Variants in MAN1C1 observed in about 807,000 individuals in gnomAD.
MAN1C1 encodes mannosyl-oligosaccharide 1,2-alpha-mannosidase IC.
In MAN1C1, 49 loss-of-function variants were observed where a neutral mutation model predicts 71.5. That is an observed-to-expected ratio of 0.69 (90% CI 0.54 to 0.87). MAN1C1 has a LOEUF of 0.87. Among genes scored for constraint, MAN1C1 ranks in the 40% least tolerant of loss-of-function variants. The pLI is 0.00. For synonymous variants in MAN1C1, 352 were observed against 343.7 expected (o/e 1.02, Z -0.27); for missense variants, 743 against 835.0 (o/e 0.89, Z 1.36).
At chr1:25,774,835 AC>A (rs762764862) in intron 8 of MAN1C1, among the ~76,000 whole-genome samples, 1 of 141,108 alleles carries the variant, frequency 7.1e-6, no homozygotes, top group Non-Finnish European at 1.6e-5. Flanking sequence ...AAAAAAAAAA[AC>A]CCTGGTCTTG....
In MAN1C1 at chr1:25,753,431, A is replaced by T. The variant is rs1238361066; in HGVS notation, c.835-53A>T. The T allele has an allele frequency of 1.0e-5, 15 of 1,431,422 alleles. No homozygotes were observed. In the African/African-American group the frequency reaches 2.1e-4, roughly 20 times the overall value. 88.7% of individuals were successfully genotyped at this position (1,431,422 alleles called of 1,614,324 possible). ...CCTGCCTGCAGCAGTTCTGGGGTTG[A>T]CCTTCCCTCACCCAGCCTGGAGTCA... On this transcript the variant is annotated intron_variant, in intron 4 of 11. Coordinates refer to ENST00000374332, the MANE Select transcript of MAN1C1 (RefSeq NM_020379.4). The surrounding 1 kb of genome is among the most constrained non-coding windows in gnomAD (Gnocchi z 4.9).
rs2046825756 is a variant in MAN1C1, at chr1:25,725,969, T to G, written c.638-20699T>G. On this transcript the variant is annotated intron_variant, in intron 2 of 11. Transcript: ENST00000374332. The surrounding 1 kb of genome is among the most constrained non-coding windows in gnomAD (Gnocchi z 4.8). The stretch of plus-strand genomic sequence containing the variant: ...ATGAAAGGTGAGGCTTTCATCTGAG[T>G]GAGCTGCCCAGCTGGGCATGGGCTG... Among the ~76,000 whole-genome samples the G allele has an allele frequency of 6.6e-6, 1 of 152,140 alleles. No homozygotes were observed. Among genetic ancestry groups the G allele is most frequent in the Non-Finnish European group, 1.5e-5 (1 of 67,992 alleles).
In MAN1C1 at chr1:25,781,682, C is replaced by G. The variant is rs542013463; in HGVS notation, c.1650+570C>G. ...GGTTCCCTGGTGGATGCTGAGCCTT[C>G]TCTGCCCCTATCTCCCCCACCACCC... On this transcript the variant is annotated intron_variant, in intron 10 of 11. Transcript: ENST00000374332. Among the ~76,000 whole-genome samples the G allele has an allele frequency of 2.0e-5, 3 of 152,248 alleles. No homozygotes were observed. The South Asian group carries it at 6.2e-4, about 32-fold the overall frequency.
At chr1:25,721,028 T>C (rs2046758365) in intron 2 of MAN1C1, among the ~76,000 whole-genome samples, 1 of 152,248 alleles carries the variant, frequency 6.6e-6, no homozygotes, top group Admixed American at 6.5e-5. Flanking sequence ...TCTATGTCTA[T>C]TTTTATGCCA....
chr1:25,737,625 C>G (rs1378692626), intron 2 of MAN1C1, among the ~76,000 whole-genome samples: 2 of 152,208 alleles, frequency 1.3e-5, no homozygotes, highest in Non-Finnish European at 2.9e-5. Flanking sequence ...CCAGCCACTG[C>G]ACCCTGGGAT....
At chr1:25,647,016 C>G (rs1284166191) in intron 1 of MAN1C1, among the ~76,000 whole-genome samples, 1 of 152,142 alleles carries the variant, frequency 6.6e-6, no homozygotes, top group Non-Finnish European at 1.5e-5. Flanking sequence ...GGCTGCACCG[C>G]TTTACACTCT....
intron 1 of MAN1C1, among the ~76,000 whole-genome samples, chr1:25,635,640 G>A (rs530192559): frequency 6.6e-6 from 1 of 151,812 alleles, no homozygotes; most frequent in Non-Finnish European, 1.5e-5. Context: ...GTAGAGACAG[G>A]GTTTCACCAT....
chr1:25,740,533 T>A (rs1193007425), intron 2 of MAN1C1, among the ~76,000 whole-genome samples: 1 of 152,008 alleles, frequency 6.6e-6, no homozygotes, highest in Non-Finnish European at 1.5e-5. Context: ...GCCTCCCGAG[T>A]TCATGCCATT....
At chr1:25,643,573 T>TTA (rs1409448161) in intron 1 of MAN1C1, among the ~76,000 whole-genome samples, 21 of 140,526 alleles carry the variant, frequency 1.5e-4, no homozygotes, top group Admixed American at 3.6e-4. Flanking sequence ...GCCTGGCCTT[T>TTA]TATATATATA....
chr1:25,626,610 G>A (rs561707926), intron 1 of MAN1C1, among the ~76,000 whole-genome samples: 3 of 152,012 alleles, frequency 2.0e-5, no homozygotes, highest in South Asian at 2.1e-4. Context: ...CGCCTGCCTC[G>A]GCCTCCCAAA....
At chr1:25,757,630 C>T (rs1050438971) in intron 5 of MAN1C1, among the ~76,000 whole-genome samples, 2 of 152,200 alleles carry the variant, frequency 1.3e-5, no homozygotes, top group African/African-American at 2.4e-5. Flanking sequence ...CTGTGTCTTA[C>T]GGATGCAGGC....
At position 25,716,514 on chromosome 1, in the gene MAN1C1, A is replaced by G. The variant is rs989556346; in HGVS notation, c.637+29978A>G. The stretch of plus-strand genomic sequence containing the variant: ...AATTGTTTTTGTGTTTTTAGTAGAC[A>G]CAGGATTCTGCCGTGTTGCCCAAGC... On this transcript the variant is annotated intron_variant, in intron 2 of 11. Coordinates refer to ENST00000374332, the MANE Select transcript of MAN1C1 (RefSeq NM_020379.4). Among the ~76,000 whole-genome samples the G allele has an allele frequency of 7.2e-5, 11 of 152,284 alleles. No individual in the cohort carries two copies. The South Asian group carries it at 2.3e-3, about 32-fold the overall frequency.
chr1:25,724,857 A>G (rs1358128485), intron 2 of MAN1C1, among the ~76,000 whole-genome samples: 1 of 152,206 alleles, frequency 6.6e-6, no homozygotes, highest in Non-Finnish European at 1.5e-5. Context: ...CCCATCTCTA[A>G]AACAATCAGA....
At chr1:25,695,164 C>T (rs2046354292) in intron 2 of MAN1C1, among the ~76,000 whole-genome samples, 1 of 152,010 alleles carries the variant, frequency 6.6e-6, no homozygotes, top group Admixed American at 6.6e-5. Flanking sequence ...TCTGGCAGGC[C>T]GCGGTGCACA....
chr1:25,750,684 C>T (rs2047202315), intron 4 of MAN1C1, among the ~76,000 whole-genome samples: 1 of 152,196 alleles, frequency 6.6e-6, no homozygotes, highest in Non-Finnish European at 1.5e-5. Context: ...AGCGCTTGTA[C>T]CAATTTGTCC....
chr1:25,772,032 AG>A (rs2124402154), intron 8 of MAN1C1: 1 of 438,758 alleles, frequency 2.3e-6, no homozygotes, highest in East Asian at 4.3e-5. Context: ...CATTTATCCA[AG>A]GTCTCACGGG....
At chr1:25,619,983 C>T (rs1465804228) in intron 1 of MAN1C1, among the ~76,000 whole-genome samples, 2 of 152,198 alleles carry the variant, frequency 1.3e-5, no homozygotes, top group Non-Finnish European at 2.9e-5. Context: ...CTATCATCTT[C>T]CTCAGAAGAG....
intron 1 of MAN1C1, among the ~76,000 whole-genome samples, chr1:25,640,016 G>A (rs1314783025): frequency 6.6e-6 from 1 of 152,164 alleles, no homozygotes; most frequent in African/African-American, 2.4e-5. Flanking sequence ...CCTAATGACT[G>A]CTTTTTAAAA....
intron 2 of MAN1C1, among the ~76,000 whole-genome samples, chr1:25,694,705 C>T (rs1237492698): frequency 1.3e-5 from 2 of 152,150 alleles, no homozygotes; most frequent in Admixed American, 6.5e-5. Flanking sequence ...GTCTTTTTGT[C>T]GGGGTGAGAG....
Sources: allele counts gnomAD v4.1 joint callset (sites outside exome capture counted in the v4.1 genomes callset), GRCh38; gene constraint gnomAD v4.1.1; non-coding constraint Gnocchi (gnomAD v3.1); transcripts MANE v1.5; gene names NCBI Gene and HGNC (gene_info 2026-07-23, HGNC 2026-07-21).